RGS12: variants seen among roughly 807,000 people sequenced by gnomAD.
RGS12 encodes regulator of G-protein signaling 12.
RGS12 carries 66 observed loss-of-function variants against 120.1 expected under a neutral mutation model. The observed-to-expected ratio is 0.55, with a 90% CI of 0.45 to 0.67. RGS12 has a LOEUF of 0.67. RGS12 is among the 30% of genes least tolerant of loss of function. RGS12 has a pLI of 0.00. For missense variants in RGS12, 1,859 were observed against 1,957.7 expected, an observed-to-expected ratio of 0.95 and a Z score of 0.95; for synonymous variants, 827 against 804.7, an observed-to-expected ratio of 1.03 and a Z score of -0.47.
intron 1 of RGS12, among the ~76,000 whole-genome samples, chr4:3,305,561 C>A (rs551178045): frequency 6.6e-6 from 1 of 152,240 alleles, no homozygotes; most frequent in African/African-American, 2.4e-5. Context: ...CATCCAACCA[C>A]AGCCACGGTG....
chr4:3,362,886 C>T (rs1037433400), intron 3 of RGS12, among the ~76,000 whole-genome samples: 5 of 142,560 alleles, frequency 3.5e-5, no homozygotes, highest in Non-Finnish European at 7.6e-5. Context: ...TGTGTGAGAG[C>T]ATGTGTGCAT....
At chr4:3,428,743 T>C (rs1723939659) in intron 16 of RGS12, 32 bp downstream of exon 16, 1 of 1,555,002 alleles carries the variant, frequency 6.4e-7, no homozygotes, top group Non-Finnish European at 8.7e-7. Context: ...TCCACGTTTT[T>C]AGTAAATGCA....
intron 11 of RGS12, 100 bp from the exon 12 acceptor site, chr4:3,422,805 G>C (rs939917713): frequency 8.8e-7 from 1 of 1,133,710 alleles, no homozygotes; most frequent in African/African-American, 1.5e-5. Flanking sequence ...TTTTGAAGCT[G>C]CTCTTCTGCT....
At chr4:3,349,491 C>T (rs1475946499) in intron 3 of RGS12, among the ~76,000 whole-genome samples, 1 of 152,162 alleles carries the variant, frequency 6.6e-6, no homozygotes, top group Non-Finnish European at 1.5e-5. Flanking sequence ...TCTTTGCTTT[C>T]TAAATCCATA....
At chr4:3,425,165 G>T (rs1723475561) in intron 13 of RGS12, among the ~76,000 whole-genome samples, 2 of 152,142 alleles carry the variant, frequency 1.3e-5, no homozygotes, top group Admixed American at 6.5e-5. Context: ...CAGTTTCGAG[G>T]GTCAGTATTT....
chr4:3,298,813 T>C (rs1172833095), intron 1 of RGS12, among the ~76,000 whole-genome samples: 1 of 152,248 alleles, frequency 6.6e-6, no homozygotes, highest in Non-Finnish European at 1.5e-5. Flanking sequence ...AGTTTTTATT[T>C]CTAGAATTTT....
chr4:3,434,124 T>G (rs1299247958), intron 17 of RGS12, among the ~76,000 whole-genome samples: 3 of 152,194 alleles, frequency 2.0e-5, no homozygotes, highest in Non-Finnish European at 4.4e-5. Flanking sequence ...TGACCCACAG[T>G]TCTGCATGGC....
chr4:3,324,163 G>A (rs1183473804), intron 2 of RGS12: 3 of 152,884 alleles, frequency 2.0e-5, no homozygotes, highest in Non-Finnish European at 4.4e-5. Context: ...GTGTGAAGGC[G>A]ACAGTGGAGC....
At chr4:3,397,112 A>G (rs1380971409) in intron 4 of RGS12, among the ~76,000 whole-genome samples, 1 of 152,188 alleles carries the variant, frequency 6.6e-6, no homozygotes, top group African/African-American at 2.4e-5. Context: ...AGATGATTTC[A>G]GGCTAATGCA....
intron 4 of RGS12, among the ~76,000 whole-genome samples, chr4:3,387,144 C>T (rs1718943033): frequency 6.6e-6 from 1 of 152,338 alleles, no homozygotes; most frequent in African/African-American, 2.4e-5. Context: ...CGTCACCTCA[C>T]GCTTTTGTCC....
chr4:3,385,387 G>T, intron 3 of RGS12: 1 of 153,384 alleles, frequency 6.5e-6, no homozygotes, highest in Non-Finnish European at 1.5e-5. Context: ...GCTCCATTCT[G>T]CTCACCCCCT....
Position 3,317,845 on chromosome 4 carries a change from G to T in RGS12, c.1675G>T (p.Asp559Tyr). ...CACCAGCGACCAGGACTCTTACACA[G>T]ATTCCACCGATGGCTGGTCCAGCAT... ...GHTSDQDSYT[D>Y]STDGWSSINC... Residue 559 changes from aspartate (D) to tyrosine (Y), a missense_variant, in exon 2 of 18, where the codon GAT becomes TAT. Asp to Tyr is a radical substitution (Grantham distance 160). This residue lies in a region of RGS12 where 967 missense variants were observed against 994.2 expected (regional missense o/e 0.97). Transcript: ENST00000336727. 1.2e-6 allele frequency: 2 copies of T among 1,613,562 alleles called. No individual in the cohort carries two copies. The highest frequency in any genetic ancestry group is 1.7e-6 in the Non-Finnish European group (2 of 1,179,896).
chr4:3,319,766 G>C (rs1277887373), intron 2 of RGS12, among the ~76,000 whole-genome samples: 1 of 152,186 alleles, frequency 6.6e-6, no homozygotes, highest in Non-Finnish European at 1.5e-5. Context: ...TAGAGGAGTC[G>C]TTCTGCAGCT....
At chr4:3,425,196 GGTCAGTGTTCCCCTTGT>G (rs1446578054) in intron 13 of RGS12, among the ~76,000 whole-genome samples, 1 of 152,136 alleles carries the variant, frequency 6.6e-6, no homozygotes, top group Admixed American at 6.5e-5. Flanking sequence ...AGCGTCCGAG[GGTCAGTGTTCCCCTTGT>G]AGCAGCGACC....
At chr4:3,349,946 A>G (rs1714203682) in intron 3 of RGS12, among the ~76,000 whole-genome samples, 1 of 152,196 alleles carries the variant, frequency 6.6e-6, no homozygotes, top group South Asian at 2.1e-4. Context: ...AGATTACATG[A>G]CAGTCTATAA....
At chr4:3,424,376 AATT>A (rs1371891889) in intron 13 of RGS12, among the ~76,000 whole-genome samples, 2 of 152,244 alleles carry the variant, frequency 1.3e-5, no homozygotes, top group African/African-American at 4.8e-5. Context: ...GAACCTATTA[AATT>A]ATTTACAGAC....
intron 6 of RGS12, 56 bp downstream of exon 6, chr4:3,414,900 C>A: frequency 7.7e-7 from 1 of 1,306,092 alleles, no homozygotes; most frequent in African/African-American, 1.5e-5. Context: ...GAGAGAGACG[C>A]ATGTGAGGGG....
chr4:3,415,010 CGTGT>C (rs1269817003), intron 6 of RGS12, among the ~76,000 whole-genome samples, 166 bp downstream of exon 6: 2 of 43,330 alleles, frequency 4.6e-5, no homozygotes, highest in South Asian at 7.8e-4. Flanking sequence ...GTGTGAGGGG[CGTGT>C]GTGAGAGGGG....
upstream of RGS12, among the ~76,000 whole-genome samples, chr4:3,288,411 G>A (rs1722949166): frequency 6.6e-6 from 1 of 152,144 alleles, no homozygotes; most frequent in South Asian, 2.1e-4. The surrounding 1 kb of genome is among the most constrained non-coding windows in gnomAD (Gnocchi z 5.2). Flanking sequence ...CTCTGGGCCT[G>A]GCTTCCTGGT....
Sources: gnomAD v4.1 joint callset for allele counts (sites outside exome capture counted in the v4.1 genomes callset) on GRCh38, gnomAD v4.1.1 for gene constraint, gnomAD v4.1.1 regional missense constraint, Gnocchi (gnomAD v3.1) non-coding constraint, MANE v1.5 for transcripts, NCBI Gene and HGNC (gene_info 2026-07-23, HGNC 2026-07-21) for gene names.